The following COL26A1 variants were observed in gnomAD, a reference collection of about 807,000 sequenced individuals.
COL26A1 encodes the protein collagen type XXVI alpha 1 chain, also known as collagen alpha-1(XXVI) chain.
In COL26A1, 41 loss-of-function variants were observed where a neutral mutation model predicts 59.3. That is an observed-to-expected ratio of 0.69 (90% CI 0.54 to 0.90). The LOEUF is 0.90. Among genes scored for constraint, COL26A1 ranks in the 40% least tolerant of loss-of-function variants. The probability of loss-of-function intolerance (pLI) is 0.00; values close to 1 mark genes in which losing one functional copy is unlikely to be tolerated. For missense variants in COL26A1, 612 were observed against 602.3 expected, an observed-to-expected ratio of 1.02 and a Z score of -0.17; for synonymous variants, 266 against 256.0, an observed-to-expected ratio of 1.04 and a Z score of -0.37.
intron 3 of COL26A1, among the ~76,000 whole-genome samples, chr7:101,498,160 T>G (rs1210162466): frequency 6.6e-6 from 1 of 152,212 alleles, no homozygotes; most frequent in Non-Finnish European, 1.5e-5. Context: ...CCAGTTTGGC[T>G]ATTGTCTCTC....
chr7:101,454,808 G>T (rs1021877861), intron 3 of COL26A1, among the ~76,000 whole-genome samples: 4 of 152,080 alleles, frequency 2.6e-5, no homozygotes, highest in African/African-American at 7.2e-5. Context: ...TATGTTAAAA[G>T]GTGCCTTTAA....
intron 2 of COL26A1, among the ~76,000 whole-genome samples, chr7:101,436,205 C>T (rs1415215108): frequency 6.6e-6 from 1 of 152,148 alleles, no homozygotes; most frequent in Non-Finnish European, 1.5e-5. Flanking sequence ...CTGTCCATTC[C>T]GTCTGGCTCT....
intron 1 of COL26A1, among the ~76,000 whole-genome samples, chr7:101,381,813 G>A (rs1483259916): frequency 6.6e-6 from 1 of 151,838 alleles, no homozygotes; most frequent in African/African-American, 2.4e-5. Flanking sequence ...TCAGGTTTCA[G>A]GGATTAGAAA....
chr7:101,532,872 G>A (rs903365955), intron 3 of COL26A1, among the ~76,000 whole-genome samples: 14 of 152,194 alleles, frequency 9.2e-5, no homozygotes, highest in Non-Finnish European at 1.5e-4. Flanking sequence ...TGTACTGCGC[G>A]TGCTCAGAAG....
intron 6 of COL26A1, 40 bp from the exon 7 acceptor site, chr7:101,545,298 G>T (rs776529111): frequency 6.6e-7 from 1 of 1,523,220 alleles, no homozygotes; most frequent in Admixed American, 2.3e-5. Flanking sequence ...CACCCGCCAG[G>T]CTCCGGCTGC....
At chr7:101,431,795 T>G (rs891762051) in intron 2 of COL26A1, among the ~76,000 whole-genome samples, 7 of 151,762 alleles carry the variant, frequency 4.6e-5, no homozygotes, top group Non-Finnish European at 5.9e-5. Flanking sequence ...GGTGATAATT[T>G]TGTGTTTGTT....
chr7:101,440,529 C>T (rs773547719), intron 2 of COL26A1, among the ~76,000 whole-genome samples: 4 of 152,136 alleles, frequency 2.6e-5, no homozygotes, highest in Non-Finnish European at 5.9e-5. Context: ...TCAGGTGAGA[C>T]TCAGGGGGGC....
At chr7:101,450,345 T>G in intron 3 of COL26A1, among the ~76,000 whole-genome samples, 1 of 152,140 alleles carries the variant, frequency 6.6e-6, no homozygotes, top group South Asian at 2.1e-4. Context: ...CTTAGGTACA[T>G]GGACCATGGC....
chr7:101,422,041 G>C (rs1015350150), intron 2 of COL26A1, among the ~76,000 whole-genome samples: 8 of 152,162 alleles, frequency 5.3e-5, no homozygotes, highest in Admixed American at 2.6e-4. Flanking sequence ...GCCAGTTGCG[G>C]TGGCTCACGC....
In COL26A1 at chr7:101,420,068, C is replaced by T. The variant is rs572010846; in HGVS notation, c.250C>T (p.Arg84Trp). Residue 84 changes from arginine to tryptophan, a missense_variant, in exon 2 of 13, where the codon CGG becomes TGG. Transcript: ENST00000313669. The stretch of plus-strand genomic sequence containing the variant: ...GGTCCAGCGCGTGTACCAGAGCTGC[C>T]GGTGGCCGGGGCCCTGCGCCAACCT... ...TVVQRVYQSC[R>W]WPGPCANLVS... 1.3e-5 allele frequency: 21 copies of T among 1,613,358 alleles called. 1 individual carries two copies. Among genetic ancestry groups the T allele is most frequent in the African/African-American group, 8.0e-5 (6 of 75,032 alleles).
intron 1 of COL26A1, among the ~76,000 whole-genome samples, chr7:101,387,132 A>C (rs1006085894): frequency 6.6e-6 from 1 of 152,164 alleles, no homozygotes; most frequent in African/African-American, 2.4e-5. Context: ...CTGCTGGCTG[A>C]GCCAAAGCCA....
chr7:101,488,460 C>G (rs987688259), intron 3 of COL26A1, among the ~76,000 whole-genome samples: 1 of 148,270 alleles, frequency 6.7e-6, no homozygotes, highest in African/African-American at 2.5e-5. Context: ...ACTGCAGTCT[C>G]TGCTTCCTGG....
chr7:101,382,374 AT>A (rs1420444805), intron 1 of COL26A1, among the ~76,000 whole-genome samples: 1 of 152,036 alleles, frequency 6.6e-6, no homozygotes, highest in Non-Finnish European at 1.5e-5. Context: ...TGAGGTAGGG[AT>A]TTAACTTAGT....
chr7:101,514,375 T>A (rs1429328974), intron 3 of COL26A1, among the ~76,000 whole-genome samples: 1 of 151,860 alleles, frequency 6.6e-6, no homozygotes, highest in African/African-American at 2.4e-5. Context: ...ATAAAAAAAA[T>A]AAACCACAAC....
chr7:101,494,213 G>A (rs1794532559), intron 3 of COL26A1, among the ~76,000 whole-genome samples: 1 of 151,616 alleles, frequency 6.6e-6, no homozygotes, highest in African/African-American at 2.4e-5. Flanking sequence ...TGCAAACTCC[G>A]CTGTCTGGCT....
At chr7:101,380,610 A>G (rs1321292799) in intron 1 of COL26A1, among the ~76,000 whole-genome samples, 1 of 151,980 alleles carries the variant, frequency 6.6e-6, no homozygotes, top group African/African-American at 2.4e-5. Context: ...CTTGCCCCAA[A>G]TTCTTTCTCA....
At chr7:101,556,846 T>G (rs996549040) in intron 12 of COL26A1, among the ~76,000 whole-genome samples, 6 of 149,848 alleles carry the variant, frequency 4.0e-5, no homozygotes, top group Admixed American at 6.6e-5. Context: ...GATGGATGGG[T>G]AAATGAGTGA....
intron 3 of COL26A1, among the ~76,000 whole-genome samples, chr7:101,469,426 T>A (rs1244455921): frequency 6.6e-6 from 1 of 151,878 alleles, no homozygotes; most frequent in Non-Finnish European, 1.5e-5. Flanking sequence ...CCACGTCAGA[T>A]GCCGGCCATA....
intron 1 of COL26A1, among the ~76,000 whole-genome samples, chr7:101,374,696 T>C (rs6465802): frequency 0.58 from 88,207 of 152,046 alleles, 27,166 homozygotes; most frequent in African/African-American, 0.8. Flanking sequence ...AGGGCTCCCA[T>C]TGATTCTACA....
Sources: gnomAD v4.1 joint callset for allele counts (sites outside exome capture counted in the v4.1 genomes callset) on GRCh38, gnomAD v4.1.1 for gene constraint, MANE v1.5 for transcripts, NCBI Gene and HGNC (gene_info 2026-07-23, HGNC 2026-07-21) for gene names.